Variants in ZDHHC6 observed in about 807,000 individuals in gnomAD.
ZDHHC6 encodes zDHHC palmitoyltransferase 6.
ZDHHC6 carries 32 observed loss-of-function variants against 57.8 expected under a neutral mutation model. The observed-to-expected ratio is 0.55, with a 90% CI of 0.42 to 0.74. ZDHHC6 has a LOEUF of 0.74. Ranked by LOEUF, ZDHHC6 falls within the 30% of genes least tolerant of loss-of-function variation. The pLI is 0.00. For synonymous variants in ZDHHC6, 128 were observed against 158.0 expected (o/e 0.81, Z 1.42); for missense variants, 433 against 500.7 (o/e 0.86, Z 1.29).
In ZDHHC6 at chr10:112,430,547, C is replaced by T. The variant is rs1231352556; in HGVS notation, c.*257G>A. 2 of 329,524 alleles carry T rather than the reference C, an allele frequency of 6.1e-6. No homozygotes were observed. Among genetic ancestry groups the T allele is most frequent in the South Asian group, 4.5e-5 (1 of 22,098 alleles). 20.4% of individuals were successfully genotyped at this position (329,524 alleles called of 1,614,324 possible). A position where few individuals can be genotyped will look rare whatever the true frequency, so the allele number is the denominator to read the frequency against. On this transcript the variant is annotated 3_prime_UTR_variant, in exon 11 of 11. Coordinates refer to ENST00000369405, the MANE Select transcript of ZDHHC6 (RefSeq NM_022494.3). ...CATAAGAAAATCCTACAGAAAATGC[C>T]GTTAACTTACTTGGATGAAATGTTT...
chr10:112,439,352 G>GC (rs528164015), intron 5 of ZDHHC6, among the ~76,000 whole-genome samples: 121 of 152,136 alleles, frequency 8.0e-4, no homozygotes, highest in African/African-American at 2.7e-3. Context: ...TGGTTTTTGG[G>GC]CCGGGCACAG....
downstream of ZDHHC6, among the ~76,000 whole-genome samples, chr10:112,428,794 C>CA (rs1844840075): frequency 6.6e-6 from 1 of 150,946 alleles, no homozygotes; most frequent in South Asian, 2.1e-4. Flanking sequence ...AAAAACAAAA[C>CA]AAAAAAACCA....
Position 112,432,507 on chromosome 10 carries a change from T to C in ZDHHC6, c.960A>G (p.Val320=). The change falls in exon 9 of 11, where the codon GTA becomes GTG. Residue 320 remains valine (V), a synonymous_variant. Coordinates refer to ENST00000369405, the MANE Select transcript of ZDHHC6 (RefSeq NM_022494.3). ...DKRVRSVRYK[V]IEDYSGACCP... Reference sequence around the variant, plus strand: ...AGCAGGCACCACTATAATCTTCTATTACTTTATAGCGAACCTGTCGTCAGT... The same window carrying C: ...AGCAGGCACCACTATAATCTTCTATCACTTTATAGCGAACCTGTCGTCAGT... 6.2e-7 allele frequency: 1 copy of C among 1,613,752 alleles called. No individual in the cohort carries two copies. The highest frequency in any genetic ancestry group is 8.5e-7 in the Non-Finnish European group (1 of 1,179,856).
Position 112,446,779 on chromosome 10 carries a change from T to G in ZDHHC6, c.-289A>C. 6.0e-6 allele frequency: 1 copy of G among 167,940 alleles called. No individual in the cohort carries two copies. Among genetic ancestry groups the G allele is most frequent in the East Asian group, 1.2e-4 (1 of 8,180 alleles). The allele number at this position is 167,940 out of a possible 1,614,324, so 10.4% of individuals were successfully genotyped here. A position where few individuals can be genotyped will look rare whatever the true frequency, so the allele number is the denominator to read the frequency against. On this transcript the variant is annotated 5_prime_UTR_variant, in exon 1 of 11. Transcript: ENST00000369405. ...GGCCTGGGCTCACCCGGAACAGATT[T>G]TTTCCTCCTTGGATGACTCCGTCAT...
downstream of ZDHHC6, chr10:112,426,573 G>T: frequency 1.6e-6 from 1 of 617,734 alleles, no homozygotes. Context: ...TGGGAAAGAA[G>T]AGTAAAAATG....
intron 4 of ZDHHC6, 54 bp from the exon 5 acceptor site, chr10:112,440,749 A>T: frequency 1.3e-6 from 2 of 1,556,736 alleles, no homozygotes; most frequent in Non-Finnish European, 1.7e-6. Flanking sequence ...GTAACTGGTC[A>T]GACTCTACTG....
At chr10:112,433,365 G>T in intron 7 of ZDHHC6, 84 bp from the exon 8 acceptor site, 1 of 1,155,816 alleles carries the variant, frequency 8.7e-7, no homozygotes, top group Non-Finnish European at 1.2e-6. Flanking sequence ...CTGTCAGAGT[G>T]ATATGGCAAA....
chr10:112,429,803 G>C (rs767503201), downstream of ZDHHC6, among the ~76,000 whole-genome samples: 1 of 152,204 alleles, frequency 6.6e-6, no homozygotes, highest in Non-Finnish European at 1.5e-5. Flanking sequence ...GGAATCCTCT[G>C]TGGCTGGCAG....
At chr10:112,438,235 G>A (rs2133852079) in intron 6 of ZDHHC6, 101 bp downstream of exon 6, 2 of 877,684 alleles carry the variant, frequency 2.3e-6, no homozygotes, top group Non-Finnish European at 3.0e-6. Context: ...GGCACTTTTC[G>A]TTAATCCGGT....
At chr10:112,430,940 T>G (rs201882940) in intron 10 of ZDHHC6, 33 bp from the exon 11 acceptor site, 1 of 1,558,906 alleles carries the variant, frequency 6.4e-7, no homozygotes, top group Non-Finnish European at 8.8e-7. Context: ...GGTGAAATAG[T>G]CTGATGGATG....
Position 112,446,808 on chromosome 10 carries a change from C to G in ZDHHC6, c.-318G>C, listed in dbSNP as rs945217742. The G allele has an allele frequency of 5.7e-6, 1 of 174,970 alleles. No individual in the cohort carries two copies. Among genetic ancestry groups the G allele is most frequent in the African/African-American group, 2.4e-5 (1 of 42,102 alleles). The allele number at this position is 174,970 out of a possible 1,614,324, so 10.8% of individuals were successfully genotyped here. A position where few individuals can be genotyped will look rare whatever the true frequency, so the allele number is the denominator to read the frequency against. On this transcript the variant is annotated 5_prime_UTR_variant, in exon 1 of 11. Transcript: ENST00000369405. The stretch of plus-strand genomic sequence containing the variant: ...CCTCCTTGGATGACTCCGTCATGGA[C>G]ACCTCAGCCCAGGACAAGCAGAGAG...
intron 5 of ZDHHC6, 114 bp from the exon 6 acceptor site, chr10:112,438,503 C>G (rs887971067): frequency 1.2e-6 from 1 of 863,528 alleles, no homozygotes; most frequent in Non-Finnish European, 1.6e-6. Flanking sequence ...ACAAAGATAC[C>G]AAGGATAACA....
intron 10 of ZDHHC6, 144 bp downstream of exon 10, chr10:112,432,096 G>C: frequency 7.0e-6 from 5 of 718,454 alleles, no homozygotes; most frequent in Non-Finnish European, 1.1e-5. Flanking sequence ...ATATAAGGAA[G>C]TTCCTTTTGT....
At chr10:112,446,120 T>C (rs557104474) in intron 1 of ZDHHC6, among the ~76,000 whole-genome samples, 2 of 152,186 alleles carry the variant, frequency 1.3e-5, no homozygotes, top group Admixed American at 6.5e-5. Context: ...TCTTATGAAG[T>C]CTTGAATTAA....
downstream of ZDHHC6, among the ~76,000 whole-genome samples, chr10:112,425,833 C>T (rs1009447171): frequency 6.6e-6 from 1 of 151,640 alleles, no homozygotes; most frequent in East Asian, 1.9e-4. Context: ...CAAACTGTTG[C>T]AATATATATA....
intron 10 of ZDHHC6, among the ~76,000 whole-genome samples, chr10:112,431,519 G>T (rs1391891677): frequency 6.6e-6 from 1 of 151,902 alleles, no homozygotes; most frequent in Admixed American, 6.6e-5. Context: ...TCACCATGTT[G>T]GCCAGGCTGA....
chr10:112,437,932 G>A (rs900830456), intron 6 of ZDHHC6, among the ~76,000 whole-genome samples: 1 of 152,134 alleles, frequency 6.6e-6, no homozygotes, highest in African/African-American at 2.4e-5. Context: ...TGTGAGGTCT[G>A]TGACAAGCAA....
Position 112,445,606 on chromosome 10 carries a change from T to G in ZDHHC6, c.-170A>C. Reference sequence around the variant, plus strand: ...TTTCACTGTCAGGCACCCAAAGCTCTTTATCTTAACTAGGAGAATCCAGTG... The same window carrying G: ...TTTCACTGTCAGGCACCCAAAGCTCGTTATCTTAACTAGGAGAATCCAGTG... On this transcript the variant is annotated 5_prime_UTR_variant, in exon 2 of 11. Coordinates refer to ENST00000369405, the MANE Select transcript of ZDHHC6 (RefSeq NM_022494.3). 1.3e-6 allele frequency: 1 copy of G among 767,156 alleles called. No individual in the cohort carries two copies. The highest frequency in any genetic ancestry group is 2.0e-6 in the Non-Finnish European group (1 of 496,952). The allele number at this position is 767,156 out of a possible 1,614,324, so 47.5% of individuals were successfully genotyped here.
At position 112,442,218 on chromosome 10, in the gene ZDHHC6, T is replaced by C. The variant is rs200220778; in HGVS notation, c.493A>G (p.Thr165Ala). 6.2e-7 allele frequency: 1 copy of C among 1,613,246 alleles called. No homozygotes were observed. The highest frequency in any genetic ancestry group is 1.7e-5 in the Admixed American group (1 of 59,800). The change falls in exon 4 of 11, where the codon ACT becomes GCT. Residue 165 changes from threonine to alanine, a missense_variant. Transcript: ENST00000369405. ...CGATGATAAAGCTGTGTGTACATAG[T>C]CATCACAAAAATGAAAGCAGCATGG... ...CIHAAFIFVM[T>A]MYTQLYHRLS...
Sources: allele counts gnomAD v4.1 joint callset (sites outside exome capture counted in the v4.1 genomes callset), GRCh38; gene constraint gnomAD v4.1.1; transcripts MANE v1.5; gene names NCBI Gene and HGNC (gene_info 2026-07-23, HGNC 2026-07-21).